The following NFIA variants were observed in gnomAD, a reference collection of about 807,000 sequenced individuals.
NFIA encodes the protein nuclear factor 1 A-type.
In NFIA, 8 loss-of-function variants were observed where a neutral mutation model predicts 62.8. The ratio of observed to expected loss-of-function variants is 0.13; its 90% CI spans 0.07 to 0.23. The LOEUF is 0.23. Ranked by LOEUF, NFIA falls within the 10% of genes least tolerant of loss-of-function variation. The pLI, the probability that NFIA is intolerant of heterozygous loss-of-function variation, is 1.00. For synonymous variants in NFIA, 235 were observed against 238.1 expected (o/e 0.99, Z 0.12); for missense variants, 410 against 642.1 (o/e 0.64, Z 3.91).
chr1:61,245,108 G>T (rs1209268339), intron 2 of NFIA, among the ~76,000 whole-genome samples: 1 of 152,122 alleles, frequency 6.6e-6, no homozygotes, highest in Non-Finnish European at 1.5e-5. Flanking sequence ...AGCAGAAATG[G>T]CATTTCATGC....
At chr1:61,276,534 T>G (rs552305969) in intron 2 of NFIA, among the ~76,000 whole-genome samples, 29 of 152,168 alleles carry the variant, frequency 1.9e-4, no homozygotes, top group Non-Finnish European at 3.4e-4. Context: ...GAAAAAAAAT[T>G]TTTGTGTTTG....
intron 2 of NFIA, among the ~76,000 whole-genome samples, chr1:61,128,249 C>A (rs993754504): frequency 3.3e-5 from 5 of 151,992 alleles, no homozygotes; most frequent in Non-Finnish European, 7.4e-5. Flanking sequence ...GCACCAAGCC[C>A]TAATACATTT....
In NFIA at chr1:61,378,388, C is replaced by T. The variant is rs17122043; in HGVS notation, c.947-4849C>T. On this transcript the variant is annotated intron_variant, in intron 6 of 10. Coordinates refer to ENST00000403491, the MANE Select transcript of NFIA (RefSeq NM_001134673.4). ...TTCCCTTTCTAAGAATACGTCTTACCGTTTTCTCTAGGTGACTAGGCTAGT... is the reference window on the plus strand; with the variant it reads ...TTCCCTTTCTAAGAATACGTCTTACTGTTTTCTCTAGGTGACTAGGCTAGT... Among the ~76,000 whole-genome samples the T allele has an allele frequency of 3.2e-3, 492 of 152,198 alleles. 10 individuals carry two copies. In the East Asian group the frequency reaches 0.034, roughly 10 times the overall value.
intron 2 of NFIA, among the ~76,000 whole-genome samples, chr1:61,213,916 C>T (rs935802213): frequency 6.6e-6 from 1 of 152,068 alleles, no homozygotes. Context: ...CGTGTGTTGG[C>T]TCGTGGTTGT....
chr1:61,309,162 C>T (rs1570554812), intron 3 of NFIA, among the ~76,000 whole-genome samples: 1 of 152,126 alleles, frequency 6.6e-6, no homozygotes, highest in African/African-American at 2.4e-5. Context: ...AGCTCTAACA[C>T]TTTGTACGTT....
chr1:61,299,521 A>G (rs1283812515), intron 3 of NFIA, among the ~76,000 whole-genome samples: 1 of 152,176 alleles, frequency 6.6e-6, no homozygotes, highest in Non-Finnish European at 1.5e-5. Context: ...TCTTAATGGG[A>G]AGAACTGTAG....
At chr1:61,363,883 T>C (rs1663440541) in intron 6 of NFIA, among the ~76,000 whole-genome samples, 1 of 151,910 alleles carries the variant, frequency 6.6e-6, no homozygotes, top group South Asian at 2.1e-4. Flanking sequence ...AAATAGCTGC[T>C]GACCCTCACT....
chr1:61,082,697 T>TTCCTCTCTCCCTCTTTCTCC lies in NFIA; in HGVS notation c.-92_-73dup, dbSNP rs1646133619. ...TTCTCTCTCTCTCTCTCTCTCTCTC[T>TTCCTCTCTCCCTCTTTCTCC]TCCTCTCTCCCTCTTTCTCCTCTCT... On this transcript the variant is annotated 5_prime_UTR_variant, in exon 1 of 11. Transcript: ENST00000403491. 1.3e-6 allele frequency: 2 copies of TTCCTCTCTCCCTCTTTCTCC among 1,533,148 alleles called. No homozygotes were observed. The highest frequency in any genetic ancestry group is 1.8e-6 in the Non-Finnish European group (2 of 1,135,690). The allele number at this position is 1,533,148 out of a possible 1,614,324, so 95.0% of individuals were successfully genotyped here.
At chr1:61,240,843 T>C (rs1032875054) in intron 2 of NFIA, among the ~76,000 whole-genome samples, 2 of 152,140 alleles carry the variant, frequency 1.3e-5, no homozygotes, top group Admixed American at 1.3e-4. Flanking sequence ...TATTTTTTAT[T>C]GAGTTAGAAA....
intron 1 of NFIA, among the ~76,000 whole-genome samples, chr1:61,086,195 A>T (rs1646215335): frequency 6.6e-6 from 1 of 152,128 alleles, no homozygotes; most frequent in Non-Finnish European, 1.5e-5. Context: ...AATACAACAG[A>T]GTCTTGGTCC....
chr1:61,367,818 ATGTGTT>A (rs972412306), intron 6 of NFIA, among the ~76,000 whole-genome samples: 2 of 150,632 alleles, frequency 1.3e-5, no homozygotes, highest in African/African-American at 4.9e-5. Context: ...TACTCTGTGT[ATGTGTT>A]ATATACATAT....
intron 2 of NFIA, among the ~76,000 whole-genome samples, chr1:61,217,654 A>C (rs1392478686): frequency 6.6e-6 from 1 of 152,206 alleles, no homozygotes; most frequent in African/African-American, 2.4e-5. Flanking sequence ...TGGTAGGCAC[A>C]TGTCAGTATG....
At chr1:61,099,458 T>C (rs1016447481) in intron 2 of NFIA, among the ~76,000 whole-genome samples, 1 of 152,242 alleles carries the variant, frequency 6.6e-6, no homozygotes, top group African/African-American at 2.4e-5. Flanking sequence ...TTAAACTCTT[T>C]TGGCAATTCA....
At chr1:61,341,660 C>T (rs1661923447) in intron 4 of NFIA, among the ~76,000 whole-genome samples, 2 of 152,084 alleles carry the variant, frequency 1.3e-5, no homozygotes, top group Non-Finnish European at 2.9e-5. Context: ...GCATTTTTTG[C>T]AGAAGTAGGG....
At chr1:61,078,982 T>C (rs1646064724), upstream of NFIA, among the ~76,000 whole-genome samples, 1 of 152,140 alleles carries the variant, frequency 6.6e-6, no homozygotes, top group Non-Finnish European at 1.5e-5. Flanking sequence ...CCCAATTCTG[T>C]TGGGAAGTGA....
At chr1:61,359,073 T>A in intron 5 of NFIA, 74 bp from the exon 6 acceptor site, 1 of 1,566,202 alleles carries the variant, frequency 6.4e-7, no homozygotes, top group Non-Finnish European at 8.7e-7. Flanking sequence ...TGGCTTTCTT[T>A]CAACCAGAGG....
chr1:61,306,835 C>T (rs1158284806), intron 3 of NFIA, among the ~76,000 whole-genome samples: 5 of 152,188 alleles, frequency 3.3e-5, no homozygotes, highest in Admixed American at 3.3e-4. Flanking sequence ...CAGGCATTGT[C>T]TGTCTTGACA....
intron 2 of NFIA, among the ~76,000 whole-genome samples, chr1:61,233,961 A>G (rs774803432): frequency 2.0e-5 from 3 of 152,136 alleles, no homozygotes; most frequent in Non-Finnish European, 2.9e-5. Flanking sequence ...AGGTAGATCT[A>G]CAGAGAGCTG....
intron 7 of NFIA, among the ~76,000 whole-genome samples, chr1:61,389,620 T>A (rs1198009720): frequency 2.0e-5 from 3 of 152,188 alleles, no homozygotes; most frequent in African/African-American, 7.2e-5. Flanking sequence ...CTCCCCCGAC[T>A]GGGAGAAATT....
Sources: allele counts gnomAD v4.1 joint callset (sites outside exome capture counted in the v4.1 genomes callset), GRCh38; gene constraint gnomAD v4.1.1; transcripts MANE v1.5; gene names NCBI Gene and HGNC (gene_info 2026-07-23, HGNC 2026-07-21).